The following EYA3 variants were observed in gnomAD, a reference collection of about 807,000 sequenced individuals.
The protein encoded by EYA3 is protein phosphatase EYA3.
In EYA3, 39 loss-of-function variants were observed where a neutral mutation model predicts 80.0. The observed-to-expected ratio is 0.49, with a 90% CI of 0.38 to 0.64. The LOEUF (loss-of-function observed/expected upper bound fraction) is 0.64. Among genes scored for constraint, EYA3 ranks in the 30% least tolerant of loss-of-function variants. The pLI is 0.00. For missense variants in EYA3, 523 were observed against 676.1 expected (o/e 0.77, Z 2.51); for synonymous variants, 206 against 232.8 (o/e 0.88, Z 1.05).
chr1:28,020,249 G>A (rs926344947), intron 7 of EYA3, among the ~76,000 whole-genome samples: 1 of 152,130 alleles, frequency 6.6e-6, no homozygotes, highest in Non-Finnish European at 1.5e-5. Context: ...AACAAGTACT[G>A]TATTAAAATC....
chr1:27,990,465 C>T (rs1219899201), intron 14 of EYA3: 4 of 152,114 alleles, frequency 2.6e-5, no homozygotes, highest in Non-Finnish European at 5.9e-5. Flanking sequence ...CCTTGAACAT[C>T]TCCTAATTTG....
At chr1:28,044,945 T>G (rs1643947999) in intron 3 of EYA3, among the ~76,000 whole-genome samples, 3 of 152,130 alleles carry the variant, frequency 2.0e-5, no homozygotes, top group Non-Finnish European at 4.4e-5. Context: ...CTAATTTTTG[T>G]AATTTTTGTA....
At chr1:28,073,127 A>ATATATATATATATATATATATATATT (rs1553157671) in intron 1 of EYA3, among the ~76,000 whole-genome samples, 2 of 14,998 alleles carry the variant, frequency 1.3e-4, no homozygotes, top group Non-Finnish European at 2.2e-4. Flanking sequence ...ATATATATAT[A>ATATATATATATATATATATATATATT]TTTTTTTTTT....
intron 2 of EYA3, among the ~76,000 whole-genome samples, chr1:28,051,259 T>G (rs567778339): frequency 1.2e-4 from 18 of 152,026 alleles, no homozygotes; most frequent in Non-Finnish European, 1.8e-4. Flanking sequence ...CCACTAGAAC[T>G]GATAAACAAG....
chr1:28,066,024 A>G (rs1322004767), intron 1 of EYA3, among the ~76,000 whole-genome samples: 1 of 152,172 alleles, frequency 6.6e-6, no homozygotes, highest in African/African-American at 2.4e-5. Context: ...AAAAACAAAA[A>G]AGAGTTACTC....
chr1:27,988,384 T>C (rs571874742), intron 16 of EYA3, 151 bp downstream of exon 16: 50 of 810,330 alleles, frequency 6.2e-5, no homozygotes, highest in Admixed American at 2.9e-4. Context: ...TAAGCCTCAA[T>C]TGCATTACTG....
At chr1:28,070,983 C>A (rs1309773259) in intron 1 of EYA3, among the ~76,000 whole-genome samples, 1 of 152,154 alleles carries the variant, frequency 6.6e-6, no homozygotes, top group South Asian at 2.1e-4. Context: ...AGTGCAATGG[C>A]GCACTCTTAG....
chr1:28,033,898 G>A (rs1455394527), intron 6 of EYA3, among the ~76,000 whole-genome samples: 1 of 151,104 alleles, frequency 6.6e-6, no homozygotes, highest in African/African-American at 2.4e-5. Context: ...GGCCTCAAGA[G>A]ATCTGCCCAA....
chr1:27,979,634 T>C (rs1346260954), intron 16 of EYA3, among the ~76,000 whole-genome samples: 1 of 152,222 alleles, frequency 6.6e-6, no homozygotes, highest in East Asian at 1.9e-4. Context: ...CCTTGCTCTT[T>C]TTATCTCCCT....
At chr1:28,008,064 A>G (rs1641422715) in intron 10 of EYA3, among the ~76,000 whole-genome samples, 1 of 152,210 alleles carries the variant, frequency 6.6e-6, no homozygotes, top group African/African-American at 2.4e-5. Context: ...GAGTCTAAAA[A>G]TAAAGCCTTA....
Position 28,073,103 on chromosome 1 carries a change from T to TTCTATATATATATATATATATA in EYA3, c.-68-15010_-68-15009insTATATATATATATATATATAGA, listed in dbSNP as rs1447435853. On this transcript the variant is annotated intron_variant, in intron 1 of 17. Transcript: ENST00000373871. ...ATCCTTTTTGGGATTGATGAAACTA[T>TTCTATATATATATATATATATA]TATATATATATATATATATATATAT... 1.6e-3 allele frequency among the ~76,000 whole-genome samples: 62 copies of TTCTATATATATATATATATATA among 37,750 alleles called. 6 individuals are homozygous for TTCTATATATATATATATATATA. Among genetic ancestry groups the TTCTATATATATATATATATATA allele is most frequent in the East Asian group, 8.7e-3 (6 of 686 alleles). The allele number at this position is 37,750 out of a possible 152,430, so 24.8% of individuals were successfully genotyped here.
intron 1 of EYA3, among the ~76,000 whole-genome samples, chr1:28,084,576 TATATATATATATATATATA>T (rs1210271563): frequency 2.1e-3 from 28 of 13,446 alleles, no homozygotes; most frequent in African/African-American, 7.1e-3. Context: ...TATATATATA[TATATATATATATATATATA>T]TTTTTTTTTT....
rs1294170621 is a variant in EYA3 at position 28,013,676 on chromosome 1, C to G, written c.586-382G>C. On this transcript the variant is annotated intron_variant, in intron 8 of 17. Coordinates refer to ENST00000373871, the MANE Select transcript of EYA3 (RefSeq NM_001990.4). The surrounding 1 kb of genome is among the most constrained non-coding windows in gnomAD (Gnocchi z 4.0). ...TCTAAGAGGTTTACAAACTGTTGCACTAGATAATAGCACTTCTAAGGACAA... is the reference window on the plus strand; with the variant it reads ...TCTAAGAGGTTTACAAACTGTTGCAGTAGATAATAGCACTTCTAAGGACAA... Among the ~76,000 whole-genome samples, 1 of 152,174 alleles carries G rather than the reference C, an allele frequency of 6.6e-6. No individual in the cohort carries two copies. Among genetic ancestry groups the G allele is most frequent in the East Asian group, 1.9e-4 (1 of 5,200 alleles).
Position 27,997,336 on chromosome 1 carries a change from T to G in EYA3, c.1126A>C (p.Asn376His), listed in dbSNP as rs753597117. 1.9e-6 allele frequency: 3 copies of G among 1,613,970 alleles called. No individual in the cohort carries two copies. The highest frequency in any genetic ancestry group is 4.5e-5 in the East Asian group (2 of 44,894). Reference protein sequence around the residue: ...VHVEDVASDDNGQDLSNYSFS... With the variant: ...VHVEDVASDDHGQDLSNYSFS... ...GTTTATCACCTCAAGTCTTGGCCAT[T>G]GTCATCAGAAGCCACATCTTCCACA... is the stretch of plus-strand genomic sequence containing the variant. Residue 376 changes from asparagine to histidine, a missense_variant, in exon 13 of 18, where the codon AAT becomes CAT. Around this residue, in one of 2 missense-constraint regions of EYA3, gnomAD observed 219 missense variants for 332.8 expected, o/e 0.66. Coordinates refer to ENST00000373871, the MANE Select transcript of EYA3 (RefSeq NM_001990.4).
At chr1:28,030,030 G>A (rs1643037956) in intron 6 of EYA3, among the ~76,000 whole-genome samples, 1 of 152,098 alleles carries the variant, frequency 6.6e-6, no homozygotes. Context: ...CAATACTAAG[G>A]TTAGCCATGA....
intron 7 of EYA3, among the ~76,000 whole-genome samples, chr1:28,024,667 T>A (rs935374308): frequency 6.6e-6 from 1 of 151,902 alleles, no homozygotes; most frequent in African/African-American, 2.4e-5. Flanking sequence ...AAAATATATA[T>A]ATAATTAAAA....
Position 28,082,904 on chromosome 1 carries a change from T to C in EYA3, c.-69+5620A>G, listed in dbSNP as rs372171580. 6.6e-5 allele frequency among the ~76,000 whole-genome samples: 10 copies of C among 152,304 alleles called. No homozygotes were observed. In the East Asian group the frequency reaches 1.2e-3, roughly 18 times the overall value. ...GATCCCTTATTGCTTTCTTAATATA[T>C]GGTTTTGCCATCTGAGAAACATCGG... On this transcript the variant is annotated intron_variant, in intron 1 of 17. Coordinates refer to ENST00000373871, the MANE Select transcript of EYA3 (RefSeq NM_001990.4).
chr1:28,073,105 A>C (rs9786989), intron 1 of EYA3, among the ~76,000 whole-genome samples: 1,131 of 34,196 alleles, frequency 0.033, 60 homozygotes, highest in African/African-American at 0.071. Flanking sequence ...TGAAACTATT[A>C]TATATATATA....
intron 9 of EYA3, among the ~76,000 whole-genome samples, chr1:28,012,429 T>C (rs1443927406): frequency 6.6e-6 from 1 of 152,222 alleles, no homozygotes; most frequent in East Asian, 1.9e-4. Flanking sequence ...ACTGTTCACT[T>C]GTTATATAGT....
Sources: gnomAD v4.1 joint callset for allele counts (sites outside exome capture counted in the v4.1 genomes callset) on GRCh38, gnomAD v4.1.1 for gene constraint, gnomAD v4.1.1 regional missense constraint, Gnocchi (gnomAD v3.1) non-coding constraint, MANE v1.5 for transcripts, NCBI Gene and HGNC (gene_info 2026-07-23, HGNC 2026-07-21) for gene names.